The following MAF variants were observed in gnomAD, a reference collection of about 807,000 sequenced individuals.
MAF encodes the protein MAF bZIP transcription factor.
In MAF, 10 loss-of-function variants were observed where a neutral mutation model predicts 22.0. That is an observed-to-expected ratio of 0.45 (90% CI 0.28 to 0.77). MAF has a LOEUF of 0.77. Ranked by LOEUF, MAF falls within the 30% of genes least tolerant of loss-of-function variation. The pLI, the probability that MAF is intolerant of heterozygous loss-of-function variation, is 0.12. For missense variants in MAF, 544 were observed against 548.4 expected, an observed-to-expected ratio of 0.99 and a Z score of 0.08; for synonymous variants, 337 against 255.8, an observed-to-expected ratio of 1.32 and a Z score of -3.03.
the MAF span, among the ~76,000 whole-genome samples, chr16:79,457,091 C>G: frequency 6.6e-6 from 1 of 152,144 alleles, no homozygotes; most frequent in Non-Finnish European, 1.5e-5. Context: ...AAAACATACT[C>G]AGAATCACAA....
the MAF span, among the ~76,000 whole-genome samples, chr16:79,449,685 C>A: frequency 5.3e-5 from 8 of 152,130 alleles, no homozygotes; most frequent in Admixed American, 4.6e-4. Context: ...TAGTGATGTT[C>A]CAGAAGTTTT....
chr16:79,259,618 C>G, the MAF span, among the ~76,000 whole-genome samples: 5 of 152,128 alleles, frequency 3.3e-5, no homozygotes, highest in Non-Finnish European at 7.3e-5. Flanking sequence ...AGAATGAGGT[C>G]TTCACTTGAT....
the MAF span, chr16:79,204,259 A>C: frequency 6.6e-6 from 1 of 152,124 alleles, no homozygotes; most frequent in Non-Finnish European, 1.5e-5. Context: ...AGACATCATC[A>C]ACAATACCTT....
At chr16:79,304,944 C>G in the MAF span, among the ~76,000 whole-genome samples, 1 of 152,066 alleles carries the variant, frequency 6.6e-6, no homozygotes, top group Non-Finnish European at 1.5e-5. Flanking sequence ...TAGGGAGTTT[C>G]TAGAACCACC....
the MAF span, among the ~76,000 whole-genome samples, chr16:79,478,680 G>T: frequency 3.9e-5 from 6 of 152,082 alleles, no homozygotes; most frequent in Non-Finnish European, 1.5e-5. Context: ...CCAAATGCCT[G>T]CATCTTTGTG....
chr16:79,412,236 C>T, the MAF span, among the ~76,000 whole-genome samples: 1 of 152,172 alleles, frequency 6.6e-6, no homozygotes, highest in Non-Finnish European at 1.5e-5. Flanking sequence ...CACAAGTTCA[C>T]AACGGTGAGG....
the MAF span, among the ~76,000 whole-genome samples, chr16:79,529,287 G>T: frequency 6.6e-6 from 1 of 152,128 alleles, no homozygotes; most frequent in Non-Finnish European, 1.5e-5. Flanking sequence ...GATGGATCCA[G>T]TTTGACCCCA....
At chr16:79,455,675 A>T in the MAF span, among the ~76,000 whole-genome samples, 31 of 152,338 alleles carry the variant, frequency 2.0e-4, no homozygotes, top group African/African-American at 7.5e-4. Flanking sequence ...ATTGATTTTG[A>T]ATCAAGTGAG....
Position 79,599,176 on chromosome 16 carries a change from C to A in MAF, c.727G>T (p.Gly243Trp). ...GGGGGGAAGAGGALHPHHAAG... is the reference protein window; with the variant it reads ...GGGGGGAAGAWGALHPHHAAG... ...GCGTGGTGCGGGTGCAGGGCGCCCC[C>A]CGCCCCCGCCGCGCCCCCGCCGCCT... The change falls in exon 1 of 2, where the codon GGG becomes TGG. Residue 243 changes from glycine (G) to tryptophan (W), a missense_variant. Physicochemically the swap from Gly to Trp is radical, Grantham distance 184. This residue lies in a region of MAF where 342 missense variants were observed against 315.5 expected (regional missense o/e 1.08). Coordinates refer to ENST00000326043, the MANE Select transcript of MAF (RefSeq NM_005360.5). 1 of 1,179,986 alleles carries A rather than the reference C, an allele frequency of 8.5e-7. No individual in the cohort carries two copies. The highest frequency in any genetic ancestry group is 1.0e-6 in the Non-Finnish European group (1 of 953,212). 73.1% of individuals were successfully genotyped at this position (1,179,986 alleles called of 1,614,324 possible).
the MAF span, among the ~76,000 whole-genome samples, chr16:79,574,211 A>G: frequency 6.6e-6 from 1 of 152,224 alleles, no homozygotes; most frequent in Admixed American, 6.5e-5. Context: ...GCTTTAGAGG[A>G]GAATCAATGA....
chr16:79,549,432 C>T, the MAF span, among the ~76,000 whole-genome samples: 1 of 152,220 alleles, frequency 6.6e-6, no homozygotes, highest in Admixed American at 6.5e-5. Context: ...AAGATACTGT[C>T]TGTGAAGGCA....
At chr16:79,302,991 G>A in the MAF span, among the ~76,000 whole-genome samples, 4 of 152,302 alleles carry the variant, frequency 2.6e-5, no homozygotes, top group Middle Eastern at 3.4e-3. Context: ...TCGGCACTCC[G>A]GAGTTGCTTC....
chr16:79,589,217 G>C (rs1466892161), downstream of MAF, among the ~76,000 whole-genome samples: 3 of 152,164 alleles, frequency 2.0e-5, no homozygotes, highest in African/African-American at 7.2e-5. Flanking sequence ...GGTTTTAAAA[G>C]TCTGTCCTCT....
chr16:79,544,988 A>G, the MAF span, among the ~76,000 whole-genome samples: 7 of 152,112 alleles, frequency 4.6e-5, no homozygotes, highest in East Asian at 9.7e-4. Flanking sequence ...GTGGTTCTCT[A>G]TGAACTCAAG....
chr16:79,460,695 G>A, the MAF span, among the ~76,000 whole-genome samples: 3 of 152,198 alleles, frequency 2.0e-5, no homozygotes, highest in South Asian at 6.2e-4. Context: ...AATTGGGGTA[G>A]GGTTATATTT....
chr16:79,484,204 C>A, the MAF span, among the ~76,000 whole-genome samples: 3 of 152,208 alleles, frequency 2.0e-5, no homozygotes, highest in Admixed American at 6.5e-5. Context: ...AACATCAGAA[C>A]CAAGGCAACC....
the MAF span, among the ~76,000 whole-genome samples, chr16:79,528,970 C>T: frequency 3.7e-3 from 559 of 152,332 alleles, 1 homozygote; most frequent in African/African-American, 0.013. Flanking sequence ...CAGCTCCACA[C>T]TGTTCTTTGT....
the MAF span, among the ~76,000 whole-genome samples, chr16:79,220,700 G>C: frequency 6.6e-6 from 1 of 152,154 alleles, no homozygotes; most frequent in Non-Finnish European, 1.5e-5. Flanking sequence ...GTTCCAAGGA[G>C]AATGCTGGGG....
chr16:79,552,041 C>T, the MAF span, among the ~76,000 whole-genome samples: 1 of 152,204 alleles, frequency 6.6e-6, no homozygotes, highest in South Asian at 2.1e-4. Flanking sequence ...GGATAAAACA[C>T]AAACTCCTTA....
Sources: gnomAD v4.1 joint callset for allele counts (sites outside exome capture counted in the v4.1 genomes callset) on GRCh38, gnomAD v4.1.1 for gene constraint, gnomAD v4.1.1 regional missense constraint, MANE v1.5 for transcripts, NCBI Gene and HGNC (gene_info 2026-07-23, HGNC 2026-07-21) for gene names.